The following PGBD4 variants were observed in gnomAD, a reference collection of about 807,000 sequenced individuals.
The protein encoded by PGBD4 is piggyBac transposable element derived 4.
PGBD4 carries 1 observed loss-of-function variant against 0.3 expected under a neutral mutation model. That is an observed-to-expected ratio of 3.72 (90% confidence interval 1.32 to 17.64). The LOEUF (loss-of-function observed/expected upper bound fraction) is 17.64, where lower values mean the gene tolerates loss of function less well. Ranked by LOEUF, PGBD4 falls within the 30% of genes most tolerant of loss-of-function variation. PGBD4 has a pLI of 0.11. For missense variants in PGBD4, 624 were observed against 719.7 expected (o/e 0.87, Z 1.52); for synonymous variants, 253 against 267.7 (o/e 0.95, Z 0.54).
rs756131552 is a variant in PGBD4, at chr15:34,104,214, T to C, written c.1683T>C (p.Tyr561=). The C allele has an allele frequency of 5.0e-6, 8 of 1,614,210 alleles. No individual in the cohort carries two copies. The highest frequency in any genetic ancestry group is 2.2e-5 in the East Asian group (1 of 44,894). The part of the protein sequence containing the change: ...DGKKIRKETR[Y]FCAECDVPLC... The stretch of plus-strand genomic sequence containing the variant: ...AGAAGATCCGGAAAGAAACGCGCTA[T>C]TTTTGTGCCGAATGTGATGTTCCGC... The change falls in exon 1 of 1, where the codon TAT becomes TAC. Residue 561 remains tyrosine (Y), a synonymous_variant. Transcript: ENST00000397766.
rs550731167 is a variant in PGBD4 at position 34,102,123 on chromosome 15, G to T, written c.-409G>T. The T allele has an allele frequency of 7.4e-4, 370 of 499,490 alleles. 1 individual carries two copies. The highest frequency in any genetic ancestry group is 6.6e-3 in the African/African-American group (333 of 50,826). 30.9% of individuals were successfully genotyped at this position (499,490 alleles called of 1,614,324 possible). ...TGCCCATGAAGTGAAAGTCAAGTGT[G>T]TGTTGCTGCGGCAGCCACGGAGGCC... On this transcript the variant is annotated 5_prime_UTR_variant, in exon 1 of 1. Transcript: ENST00000397766. The surrounding 1 kb of genome is among the most constrained non-coding windows in gnomAD (Gnocchi z 4.7).
Position 34,102,930 on chromosome 15 carries a change from A to G in PGBD4, c.399A>G (p.Ser133=), listed in dbSNP as rs1845717969. 1 of 1,614,078 alleles carries G rather than the reference A, an allele frequency of 6.2e-7. No homozygotes were observed. The highest frequency in any genetic ancestry group is 1.7e-5 in the Admixed American group (1 of 59,988). ...ATGCCCAAGCTGCCTTGTTGGCTTC[A>G]AAGCCACCGGGTCCGAAAGGATTTT... ...ETNAQAALLA[S]KPPGPKGFSR... is the part of the protein sequence containing the mutation. Residue 133 remains serine, a synonymous_variant, in exon 1 of 1, where the codon TCA becomes TCG. Coordinates refer to ENST00000397766, the MANE Select transcript of PGBD4 (RefSeq NM_152595.5). The surrounding 1 kb of genome is among the most constrained non-coding windows in gnomAD (Gnocchi z 4.7).
rs536570432 is a variant in PGBD4, at chr15:34,104,638, T to TTTTTG, written c.*370_*374dup. ...AATAACTCCAAGAACAGTTTTGTTG[T>TTTTTG]TTTTGTTTTGTTTTGTTTTGTTTTG... is the stretch of plus-strand genomic sequence containing the variant. On this transcript the variant is annotated 3_prime_UTR_variant, in exon 1 of 1. Coordinates refer to ENST00000397766, the MANE Select transcript of PGBD4 (RefSeq NM_152595.5). 1.4e-4 allele frequency: 28 copies of TTTTTG among 193,612 alleles called. 1 individual carries two copies. Among genetic ancestry groups the TTTTTG allele is most frequent in the South Asian group, 6.1e-4 (5 of 8,162 alleles). The allele number at this position is 193,612 out of a possible 1,614,324, so 12.0% of individuals were successfully genotyped here.
At position 34,104,385 on chromosome 15, in the gene PGBD4, C is replaced by A; in HGVS notation, c.*96C>A. ...TGGGAGGCCGACCTGGGTGGATCAC[C>A]TGAGATCAGGAATTCAAGACCAGCC... On this transcript the variant is annotated 3_prime_UTR_variant, in exon 1 of 1. Coordinates refer to ENST00000397766, the MANE Select transcript of PGBD4 (RefSeq NM_152595.5). The A allele has an allele frequency of 7.4e-7, 1 of 1,350,368 alleles. No homozygotes were observed. The highest frequency in any genetic ancestry group is 1.5e-5 in the South Asian group (1 of 68,532). The allele number at this position is 1,350,368 out of a possible 1,614,324, so 83.6% of individuals were successfully genotyped here.
At position 34,103,691 on chromosome 15, in the gene PGBD4, G is replaced by A; in HGVS notation, c.1160G>A (p.Trp387Ter). ...RFCGELMALK[W>*]CDGKEVTMLS... ...TGTGGTGAACTTATGGCACTGAAAT[G>A]GTGTGACGGCAAGGAGGTGACAATG... Residue 387 changes from tryptophan (W) to a stop codon, truncating the protein, a stop_gained, in exon 1 of 1, where the codon TGG becomes TAG. Transcript: ENST00000397766. LOFTEE classifies it low-confidence loss of function (END_TRUNC). This position sits in a 1 kb window ranked among gnomAD's most constrained non-coding sequence, Gnocchi z 4.6. The A allele has an allele frequency of 6.2e-7, 1 of 1,614,170 alleles. No homozygotes were observed.
rs550731167 is a variant in PGBD4 at position 34,102,123 on chromosome 15, G to A, written c.-409G>A. Reference sequence around the variant, plus strand: ...TGCCCATGAAGTGAAAGTCAAGTGTGTGTTGCTGCGGCAGCCACGGAGGCC... The same window carrying A: ...TGCCCATGAAGTGAAAGTCAAGTGTATGTTGCTGCGGCAGCCACGGAGGCC... On this transcript the variant is annotated 5_prime_UTR_variant, in exon 1 of 1. The change creates a new upstream start codon in the 5' untranslated region. Coordinates refer to ENST00000397766, the MANE Select transcript of PGBD4 (RefSeq NM_152595.5). This position sits in a 1 kb window ranked among gnomAD's most constrained non-coding sequence, Gnocchi z 4.7. 2.0e-6 allele frequency: 1 copy of A among 499,372 alleles called. No individual in the cohort carries two copies. The highest frequency in any genetic ancestry group is 2.0e-5 in the African/African-American group (1 of 50,704). The allele number at this position is 499,372 out of a possible 1,614,324, so 30.9% of individuals were successfully genotyped here. A position where few individuals can be genotyped will look rare whatever the true frequency, so the allele number is the denominator to read the frequency against.
Position 34,102,798 on chromosome 15 carries a change from C to T in PGBD4, c.267C>T (p.Thr89=), listed in dbSNP as rs1219013553. 1 of 1,613,984 alleles carries T rather than the reference C, an allele frequency of 6.2e-7. No individual in the cohort carries two copies. The highest frequency in any genetic ancestry group is 1.3e-5 in the African/African-American group (1 of 74,896). Residue 89 remains threonine, a synonymous_variant, in exon 1 of 1, where the codon ACC becomes ACT. Coordinates refer to ENST00000397766, the MANE Select transcript of PGBD4 (RefSeq NM_152595.5). This position sits in a 1 kb window ranked among gnomAD's most constrained non-coding sequence, Gnocchi z 4.7. ...AMIPRQRYDF[T]GTPGRKVDVS... ...TTCCACGTCAAAGGTATGACTTTAC[C>T]GGCACACCTGGCAGAAAAGTCGATG...
rs748865965 is a variant in PGBD4, at chr15:34,104,281, A to T, written c.1750A>T (p.Asn584Tyr). Residue 584 changes from asparagine to tyrosine, a missense_variant, in exon 1 of 1, where the codon AAT becomes TAT. By Grantham distance (143) the Asn-to-Tyr change is moderately radical. Transcript: ENST00000397766. The part of the protein sequence containing the change: ...PCFEIYHTKK[N>Y]Y ...CTTTGAAATTTACCACACGAAAAAA[A>T]ATTATTAAATACCGATCATCATACA... 6.2e-7 allele frequency: 1 copy of T among 1,611,108 alleles called. No individual in the cohort carries two copies. Among genetic ancestry groups the T allele is most frequent in the South Asian group, 1.1e-5 (1 of 90,750 alleles).
chr15:34,102,422 T>A lies in PGBD4; in HGVS notation c.-110T>A. Reference sequence around the variant, plus strand: ...ATATCTCGCTTCTGTTATTTTCGCATGGTTCTGGTATATTGACTTTTGAAA... The same window carrying A: ...ATATCTCGCTTCTGTTATTTTCGCAAGGTTCTGGTATATTGACTTTTGAAA... On this transcript the variant is annotated 5_prime_UTR_variant, in exon 1 of 1. The change abolishes an upstream ATG in the 5' untranslated region. Transcript: ENST00000397766. This position sits in a 1 kb window ranked among gnomAD's most constrained non-coding sequence, Gnocchi z 4.7. 7.2e-7 allele frequency: 1 copy of A among 1,394,730 alleles called. No homozygotes were observed. Among genetic ancestry groups the A allele is most frequent in the Non-Finnish European group, 9.3e-7 (1 of 1,073,540 alleles). 86.4% of individuals were successfully genotyped at this position (1,394,730 alleles called of 1,614,324 possible).
In PGBD4 at chr15:34,103,208, T is replaced by C; in HGVS notation, c.677T>C (p.Ile226Thr). The C allele has an allele frequency of 1.2e-6, 2 of 1,614,130 alleles. No individual in the cohort carries two copies. Among genetic ancestry groups the C allele is most frequent in the African/African-American group, 2.7e-5 (2 of 75,046 alleles). The change falls in exon 1 of 1, where the codon ATC (isoleucine) becomes ACC (threonine). Residue 226 changes from isoleucine to threonine, a missense_variant. Physicochemically the swap from Ile to Thr is moderately conservative, Grantham distance 89. Transcript: ENST00000397766. This position sits in a 1 kb window ranked among gnomAD's most constrained non-coding sequence, Gnocchi z 4.6. Reference sequence around the variant, plus strand: ...AAGGCCCAGATTTCATTGCAGAAGATCAAACCTGTGTTCGACTTTCTTGTA... The same window carrying C: ...AAGGCCCAGATTTCATTGCAGAAGACCAAACCTGTGTTCGACTTTCTTGTA... ...QSKAQISLQKIKPVFDFLVNK... is the reference protein window; with the variant it reads ...QSKAQISLQKTKPVFDFLVNK...
Position 34,103,222 on chromosome 15 carries a change from GA to G in PGBD4, c.692del (p.Asp231AlafsTer4). ...ATTGCAGAAGATCAAACCTGTGTTC[GA>G]CTTTCTTGTAAATAAATTTTCCACT... ...ISLQKIKPVF[D>X]FLVNKFSTVY... On this transcript the variant is annotated frameshift_variant, in exon 1 of 1. Transcript: ENST00000397766. LOFTEE classifies it low-confidence loss of function (END_TRUNC). This position sits in a 1 kb window ranked among gnomAD's most constrained non-coding sequence, Gnocchi z 4.6. 6.2e-7 allele frequency: 1 copy of G among 1,614,012 alleles called. No homozygotes were observed. The highest frequency in any genetic ancestry group is 8.5e-7 in the Non-Finnish European group (1 of 1,180,034).
chr15:34,107,176 G>A lies in PGBD4; in HGVS notation c.*2887G>A, dbSNP rs1273117242. 2 of 151,672 alleles carry A rather than the reference G, an allele frequency of 1.3e-5. No homozygotes were observed. The highest frequency in any genetic ancestry group is 6.6e-5 in the Admixed American group (1 of 15,218). 9.4% of individuals were successfully genotyped at this position (151,672 alleles called of 1,614,324 possible). A position where few individuals can be genotyped will look rare whatever the true frequency, so the allele number is the denominator to read the frequency against. ...ATATGATTATATATAACTATAATGT[G>A]TACTGTTTTACATACATATTTCCAA... is the stretch of plus-strand genomic sequence containing the variant. On this transcript the variant is annotated 3_prime_UTR_variant, in exon 1 of 1. Coordinates refer to ENST00000397766, the MANE Select transcript of PGBD4 (RefSeq NM_152595.5).
Position 34,105,198 on chromosome 15 carries a change from G to A in PGBD4, c.*909G>A, listed in dbSNP as rs1887743916. The A allele has an allele frequency of 6.0e-6, 1 of 167,124 alleles. No homozygotes were observed. The highest frequency in any genetic ancestry group is 2.4e-5 in the African/African-American group (1 of 41,462). The allele number at this position is 167,124 out of a possible 1,614,324, so 10.4% of individuals were successfully genotyped here. A position where few individuals can be genotyped will look rare whatever the true frequency, so the allele number is the denominator to read the frequency against. ...TATCTGATGCTACACTATTCTTCCT[G>A]TTGTGATTGTTTTACTGTGAACATA... On this transcript the variant is annotated 3_prime_UTR_variant, in exon 1 of 1. Coordinates refer to ENST00000397766, the MANE Select transcript of PGBD4 (RefSeq NM_152595.5).
Position 34,103,646 on chromosome 15 carries a change from G to A in PGBD4, c.1115G>A (p.Gly372Glu), listed in dbSNP as rs371796208. The A allele has an allele frequency of 1.2e-6, 2 of 1,614,174 alleles. No individual in the cohort carries two copies. Among genetic ancestry groups the A allele is most frequent in the South Asian group, 1.1e-5 (1 of 91,080 alleles). Reference protein sequence around the residue: ...PNDLKKRIAKGTTVARFCGEL... With the variant: ...PNDLKKRIAKETTVARFCGEL... ...GATCTGAAAAAAAGGATTGCAAAGG[G>A]GACGACTGTAGCCAGATTCTGTGGT... Residue 372 changes from glycine (G) to glutamate (E), a missense_variant, in exon 1 of 1, where the codon GGG becomes GAG. Coordinates refer to ENST00000397766, the MANE Select transcript of PGBD4 (RefSeq NM_152595.5). The surrounding 1 kb of genome is among the most constrained non-coding windows in gnomAD (Gnocchi z 4.6).
In PGBD4 at chr15:34,104,234, T is replaced by C; in HGVS notation, c.1703T>C (p.Val568Ala). Residue 568 changes from valine (V) to alanine (A), a missense_variant, in exon 1 of 1, where the codon GTT (valine) becomes GCT (alanine). Transcript: ENST00000397766. ...ETRYFCAECD[V>A]PLCVVPCFEI... ...CGCTATTTTTGTGCCGAATGTGATG[T>C]TCCGCTTTGTGTTGTTCCGTGCTTT... 1 of 1,614,200 alleles carries C rather than the reference T, an allele frequency of 6.2e-7. No homozygotes were observed. The highest frequency in any genetic ancestry group is 8.5e-7 in the Non-Finnish European group (1 of 1,180,046).
chr15:34,102,737 C>CA lies in PGBD4; in HGVS notation c.207dup (p.Gly70ArgfsTer18). ...GGAAAGAGCTCTACATCAAGTGACTCAGGGCGCTCCATGAAATGGTCAGCT... is the reference window on the plus strand; with the variant it reads ...GGAAAGAGCTCTACATCAAGTGACTCAAGGGCGCTCCATGAAATGGTCAGCT... On this transcript the variant is annotated frameshift_variant, in exon 1 of 1. Coordinates refer to ENST00000397766, the MANE Select transcript of PGBD4 (RefSeq NM_152595.5). LOFTEE classifies it low-confidence loss of function (END_TRUNC). This position sits in a 1 kb window ranked among gnomAD's most constrained non-coding sequence, Gnocchi z 4.7. 6.2e-7 allele frequency: 1 copy of CA among 1,614,174 alleles called. No homozygotes were observed. Among genetic ancestry groups the CA allele is most frequent in the Non-Finnish European group, 8.5e-7 (1 of 1,180,034 alleles).
In PGBD4 at chr15:34,102,569, A is replaced by G; in HGVS notation, c.38A>G (p.Asp13Gly). ...AGAAAACGTAGCATTCCTATGCGTG[A>G]TAGTAATACCGGTCTCGAACAGTTG... ...NPRKRSIPMR[D>G]SNTGLEQLLA... is the part of the protein sequence containing the mutation. The change falls in exon 1 of 1, where the codon GAT becomes GGT. Residue 13 changes from aspartate (D) to glycine (G), a missense_variant. Asp to Gly is a moderately conservative substitution (Grantham distance 94). Transcript: ENST00000397766. This position sits in a 1 kb window ranked among gnomAD's most constrained non-coding sequence, Gnocchi z 4.7. 2 of 1,583,720 alleles carry G rather than the reference A, an allele frequency of 1.3e-6. No homozygotes were observed. The highest frequency in any genetic ancestry group is 1.7e-6 in the Non-Finnish European group (2 of 1,163,430).
At position 34,104,432 on chromosome 15, in the gene PGBD4, G is replaced by A. The variant is rs1186929030; in HGVS notation, c.*143G>A. On this transcript the variant is annotated 3_prime_UTR_variant, in exon 1 of 1. Transcript: ENST00000397766. The stretch of plus-strand genomic sequence containing the variant: ...AGCCTGGCCAACATGGTGAAACCCT[G>A]TCTCTACTAAAAATACAACAATTAG... The A allele has an allele frequency of 8.1e-6, 7 of 864,946 alleles. No individual in the cohort carries two copies. The highest frequency in any genetic ancestry group is 1.2e-5 in the Non-Finnish European group (7 of 579,158). The allele number at this position is 864,946 out of a possible 1,614,324, so 53.6% of individuals were successfully genotyped here. A position where few individuals can be genotyped will look rare whatever the true frequency, so the allele number is the denominator to read the frequency against.
chr15:34,103,294 C>G lies in PGBD4; in HGVS notation c.763C>G (p.Leu255Val). ...RNIAVDESLM[L>V]FKGPLAMKQY... Reference sequence around the variant, plus strand: ...CATTGCAGTTGATGAATCACTGATGCTGTTCAAGGGGCCATTAGCTATGAA... The same window carrying G: ...CATTGCAGTTGATGAATCACTGATGGTGTTCAAGGGGCCATTAGCTATGAA... Residue 255 changes from leucine (L) to valine (V), a missense_variant, in exon 1 of 1, where the codon CTG (leucine) becomes GTG (valine). Physicochemically the swap from Leu to Val is conservative, Grantham distance 32. Transcript: ENST00000397766. The surrounding 1 kb of genome is among the most constrained non-coding windows in gnomAD (Gnocchi z 4.6). 6.2e-7 allele frequency: 1 copy of G among 1,614,166 alleles called. No homozygotes were observed. Among genetic ancestry groups the G allele is most frequent in the Non-Finnish European group, 8.5e-7 (1 of 1,180,032 alleles).
Sources: gnomAD v4.1 joint callset for allele counts on GRCh38, gnomAD v4.1.1 for gene constraint, Gnocchi (gnomAD v3.1) non-coding constraint, MANE v1.5 for transcripts, NCBI Gene and HGNC (gene_info 2026-07-23, HGNC 2026-07-21) for gene names.